The following APBA1 variants were observed in gnomAD, a reference collection of about 807,000 sequenced individuals.
The protein encoded by APBA1 is amyloid-beta A4 precursor protein-binding family A member 1.
A neutral mutation model predicts 86.6 loss-of-function variants in APBA1; 55 were observed. That is an observed-to-expected ratio of 0.64 (90% confidence interval 0.51 to 0.80). The LOEUF is 0.80. Ranked by LOEUF, APBA1 falls within the 30% of genes least tolerant of loss-of-function variation. The pLI, the probability that APBA1 is intolerant of heterozygous loss-of-function variation, is 0.00. For synonymous variants in APBA1, 511 were observed against 493.9 expected (o/e 1.03, Z -0.46); for missense variants, 1,090 against 1,183.0 (o/e 0.92, Z 1.15).
chr9:69,491,565 G>T lies in APBA1; in HGVS notation c.1201-15422C>A, dbSNP rs529661015. On this transcript the variant is annotated intron_variant, in intron 2 of 12. Coordinates refer to ENST00000265381, the MANE Select transcript of APBA1 (RefSeq NM_001163.4). ...GCATGTATACATATGTAACAAACCT[G>T]CACATTGTGCACATGTACCCTAGAA... Among the ~76,000 whole-genome samples, 22 of 150,444 alleles carry T rather than the reference G, an allele frequency of 1.5e-4. 1 individual carries two copies. The South Asian group carries it at 4.6e-3, about 32-fold the overall frequency.
At chr9:69,648,323 T>A (rs1309249029) in intron 1 of APBA1, among the ~76,000 whole-genome samples, 1 of 152,206 alleles carries the variant, frequency 6.6e-6, no homozygotes, top group Admixed American at 6.5e-5. Context: ...AAGGTGCACT[T>A]GAATAAGCCA....
intron 2 of APBA1, among the ~76,000 whole-genome samples, chr9:69,512,258 T>C (rs1371317697): frequency 1.3e-5 from 2 of 152,136 alleles, no homozygotes; most frequent in Admixed American, 6.5e-5. Flanking sequence ...AACACAGTTA[T>C]TTTCTCTCAG....
intron 2 of APBA1, among the ~76,000 whole-genome samples, chr9:69,484,987 T>C (rs976930253): frequency 3.3e-5 from 5 of 151,976 alleles, no homozygotes; most frequent in Admixed American, 3.3e-4. Context: ...GAAAAACTTT[T>C]TTTTTTTTTG....
chr9:69,641,173 C>T (rs910957059), intron 1 of APBA1, among the ~76,000 whole-genome samples: 1 of 151,822 alleles, frequency 6.6e-6, no homozygotes, highest in Non-Finnish European at 1.5e-5. Context: ...TAGCAATGAA[C>T]AGCTGGAAGT....
intron 1 of APBA1, among the ~76,000 whole-genome samples, chr9:69,632,343 C>T (rs772104427): frequency 6.6e-6 from 1 of 152,098 alleles, no homozygotes; most frequent in Non-Finnish European, 1.5e-5. Context: ...AACTTCCCTC[C>T]CCCAAAGGTG....
In APBA1 at chr9:69,431,123, C is replaced by T. The variant is rs1353699557; in HGVS notation, c.*204G>A. ...CTCTCCATCCTCAAGGGAGTGCATA[C>T]GAAACTTCCCTGGTATTGAAAAAAA... On this transcript the variant is annotated 3_prime_UTR_variant, in exon 13 of 13. Transcript: ENST00000265381. 1.7e-5 allele frequency: 8 copies of T among 457,278 alleles called. No homozygotes were observed. Among genetic ancestry groups the T allele is most frequent in the African/African-American group, 5.7e-5 (2 of 35,030 alleles). 28.3% of individuals were successfully genotyped at this position (457,278 alleles called of 1,614,324 possible).
At chr9:69,609,840 C>T (rs1376107308) in intron 1 of APBA1, among the ~76,000 whole-genome samples, 1 of 152,070 alleles carries the variant, frequency 6.6e-6, no homozygotes, top group Non-Finnish European at 1.5e-5. Context: ...CCTCTGTCAC[C>T]CAGGCTGGCG....
chr9:69,626,265 T>A (rs1226632622), intron 1 of APBA1, among the ~76,000 whole-genome samples: 1 of 152,122 alleles, frequency 6.6e-6, no homozygotes, highest in African/African-American at 2.4e-5. Context: ...TGCCTCAGAT[T>A]TTGGCCACAG....
chr9:69,431,252 A>G lies in APBA1; in HGVS notation c.*75T>C, dbSNP rs1220490680. On this transcript the variant is annotated 3_prime_UTR_variant, in exon 13 of 13. Transcript: ENST00000265381. ...GCGCGAGAGGGGAAAGTCTCAGTGGACACAGGGATGCAGCACGAGAAACAC... is the reference window on the plus strand; with the variant it reads ...GCGCGAGAGGGGAAAGTCTCAGTGGGCACAGGGATGCAGCACGAGAAACAC... 3 of 1,214,388 alleles carry G rather than the reference A, an allele frequency of 2.5e-6. No homozygotes were observed. The highest frequency in any genetic ancestry group is 3.4e-6 in the Non-Finnish European group (3 of 873,926). The allele number at this position is 1,214,388 out of a possible 1,614,324, so 75.2% of individuals were successfully genotyped here.
At chr9:69,460,816 G>A (rs1356654213) in intron 5 of APBA1, 3 of 151,876 alleles carry the variant, frequency 2.0e-5, no homozygotes, top group Non-Finnish European at 2.9e-5. Context: ...TGCAACCTCC[G>A]CCTCCCAGGT....
intron 9 of APBA1, among the ~76,000 whole-genome samples, chr9:69,450,056 G>GTTGTT (rs1834977960): frequency 1.1e-5 from 1 of 94,162 alleles, no homozygotes; most frequent in African/African-American, 4.4e-5. Context: ...AGGACCACCA[G>GTTGTT]TTTTTTTTTT....
chr9:69,457,733 G>GC (rs1238160182), intron 6 of APBA1, among the ~76,000 whole-genome samples: 1 of 152,132 alleles, frequency 6.6e-6, no homozygotes, highest in African/African-American at 2.4e-5. Flanking sequence ...ACCAAAAAGC[G>GC]CAGTCTGGTT....
chr9:69,558,002 C>G (rs758076052), intron 1 of APBA1, among the ~76,000 whole-genome samples: 12 of 152,176 alleles, frequency 7.9e-5, no homozygotes, highest in Non-Finnish European at 1.3e-4. Context: ...CTGAGGCATA[C>G]ATGTTAGAAT....
At chr9:69,576,702 G>C (rs1404191171) in intron 1 of APBA1, among the ~76,000 whole-genome samples, 2 of 152,050 alleles carry the variant, frequency 1.3e-5, no homozygotes, top group South Asian at 2.1e-4. Context: ...ACCGGGGCCT[G>C]TTGTGGGGTA....
intron 5 of APBA1, among the ~76,000 whole-genome samples, chr9:69,460,168 ACAC>A (rs1295353804): frequency 6.6e-6 from 1 of 152,202 alleles, no homozygotes; most frequent in East Asian, 1.9e-4. Flanking sequence ...AGCCATCCAG[ACAC>A]CACATAGCGA....
intron 1 of APBA1, among the ~76,000 whole-genome samples, chr9:69,638,125 G>T (rs891586234): frequency 3.9e-5 from 6 of 152,230 alleles, no homozygotes; most frequent in African/African-American, 1.4e-4. Context: ...ATTTACTCAA[G>T]AGATATGTTG....
intron 11 of APBA1, among the ~76,000 whole-genome samples, chr9:69,433,788 G>T (rs981656863): frequency 6.7e-6 from 1 of 148,364 alleles, no homozygotes; most frequent in Non-Finnish European, 1.5e-5. Flanking sequence ...TATTTGGAAT[G>T]ATATTTTAAT....
chr9:69,517,318 A>T, intron 1 of APBA1, 39 bp from the exon 2 acceptor site: 1 of 1,392,598 alleles, frequency 7.2e-7, no homozygotes, highest in African/African-American at 1.5e-5. Context: ...CACGTGGTGC[A>T]AACAGTCGTT....
In APBA1 at chr9:69,511,577, A is replaced by G. The variant is rs947523990; in HGVS notation, c.1200+4434T>C. Among the ~76,000 whole-genome samples the G allele has an allele frequency of 7.9e-3, 1,194 of 151,920 alleles. 23 individuals carry two copies. Among genetic ancestry groups the G allele is most frequent in the African/African-American group, 0.028 (1,147 of 41,296 alleles). On this transcript the variant is annotated intron_variant, in intron 2 of 12. Transcript: ENST00000265381. ...ACCCAGCCATCCCATTACTGGGTATATACCCAGAGGACTATAAATCATGCT... is the reference window on the plus strand; with the variant it reads ...ACCCAGCCATCCCATTACTGGGTATGTACCCAGAGGACTATAAATCATGCT...
Sources: allele counts gnomAD v4.1 joint callset (sites outside exome capture counted in the v4.1 genomes callset), GRCh38; gene constraint gnomAD v4.1.1; transcripts MANE v1.5; gene names NCBI Gene and HGNC (gene_info 2026-07-23, HGNC 2026-07-21).